The following AGPAT3 variants were observed in gnomAD, a reference collection of about 807,000 sequenced individuals.
AGPAT3 encodes 1-acylglycerol-3-phosphate O-acyltransferase 3, also known as 1-acyl-sn-glycerol-3-phosphate acyltransferase gamma.
A neutral mutation model predicts 47.3 loss-of-function variants in AGPAT3; 5 were observed. The observed-to-expected ratio is 0.11, with a 90% CI of 0.06 to 0.22. The LOEUF (loss-of-function observed/expected upper bound fraction) is 0.22, where lower values mean the gene tolerates loss of function less well. Among genes scored for constraint, AGPAT3 ranks in the 10% least tolerant of loss-of-function variants. The pLI is 1.00. For synonymous variants in AGPAT3, 212 were observed against 208.3 expected (o/e 1.02, Z -0.15); for missense variants, 315 against 493.0 (o/e 0.64, Z 3.42).
intron 2 of AGPAT3, among the ~76,000 whole-genome samples, chr21:43,906,764 C>G (rs2086507096): frequency 6.6e-6 from 1 of 152,234 alleles, no homozygotes; most frequent in Non-Finnish European, 1.5e-5. Flanking sequence ...CGGAGGTGGA[C>G]TGGGTGAACA....
chr21:43,973,618 G>A (rs917422078), intron 7 of AGPAT3, among the ~76,000 whole-genome samples: 17 of 152,224 alleles, frequency 1.1e-4, no homozygotes, highest in Admixed American at 9.8e-4. Flanking sequence ...TATTTTGCCC[G>A]ATCATATTTT....
In AGPAT3 at chr21:43,955,749, T is replaced by C. The variant is rs143965704; in HGVS notation, c.-48-3885T>C. Among the ~76,000 whole-genome samples, 583 of 151,894 alleles carry C rather than the reference T, an allele frequency of 3.8e-3. 8 individuals are homozygous for C. The highest frequency in any genetic ancestry group is 0.033 in the South Asian group (158 of 4,796). ...GGCGAAACCCCATCTCTACTAAACA[T>C]ACAAAAATTTGCTGGACATGGTGGT... On this transcript the variant is annotated intron_variant, in intron 2 of 9. Transcript: ENST00000291572. This position sits in a 1 kb window ranked among gnomAD's most constrained non-coding sequence, Gnocchi z 4.1.
intron 2 of AGPAT3, among the ~76,000 whole-genome samples, chr21:43,953,496 C>T (rs1408455105): frequency 6.6e-6 from 1 of 152,200 alleles, no homozygotes; most frequent in Non-Finnish European, 1.5e-5. Flanking sequence ...TTTAGATGTT[C>T]ATACATATTT....
At chr21:43,975,550 C>T (rs1431424226) in intron 7 of AGPAT3, among the ~76,000 whole-genome samples, 1 of 152,168 alleles carries the variant, frequency 6.6e-6, no homozygotes, top group Admixed American at 6.5e-5. Context: ...AAGTGTGAGG[C>T]GCGTGACCCT....
At chr21:43,892,939 A>G (rs1965183749) in intron 1 of AGPAT3, among the ~76,000 whole-genome samples, 1 of 151,936 alleles carries the variant, frequency 6.6e-6, no homozygotes, top group Non-Finnish European at 1.5e-5. Flanking sequence ...TGCAACCCCC[A>G]CCAAAATTAG....
chr21:43,963,363 C>T (rs138948021), intron 3 of AGPAT3, among the ~76,000 whole-genome samples: 206 of 152,168 alleles, frequency 1.4e-3, no homozygotes, highest in African/African-American at 4.9e-3. Flanking sequence ...CCAAGCAGAG[C>T]GAATGCACAG....
intron 2 of AGPAT3, among the ~76,000 whole-genome samples, chr21:43,916,031 A>G (rs1441973466): frequency 6.6e-6 from 1 of 152,202 alleles, no homozygotes; most frequent in Non-Finnish European, 1.5e-5. Context: ...ATCTAAGAAG[A>G]TAATGTTTAA....
At chr21:43,884,946 C>T (rs994491402) in intron 1 of AGPAT3, among the ~76,000 whole-genome samples, 1 of 152,234 alleles carries the variant, frequency 6.6e-6, no homozygotes, top group African/African-American at 2.4e-5. Flanking sequence ...TGGGATAGAT[C>T]GGAGTTAACA....
chr21:43,918,193 G>GGGTTGCGGC (rs2086798854), intron 2 of AGPAT3, among the ~76,000 whole-genome samples: 1 of 82,358 alleles, frequency 1.2e-5, no homozygotes, highest in South Asian at 4.7e-4. Flanking sequence ...TGTGGGTGTT[G>GGGTTGCGGC]GGTTGTGGAG....
At chr21:43,911,174 T>A (rs972669582) in intron 2 of AGPAT3, among the ~76,000 whole-genome samples, 1 of 152,208 alleles carries the variant, frequency 6.6e-6, no homozygotes, top group African/African-American at 2.4e-5. Flanking sequence ...CTTGGAAAAC[T>A]TTTACTACAC....
In AGPAT3 at chr21:43,939,858, C is replaced by A. The variant is rs973442721; in HGVS notation, c.-48-19776C>A. 6.6e-6 allele frequency among the ~76,000 whole-genome samples: 1 copy of A among 152,224 alleles called. No individual in the cohort carries two copies. The highest frequency in any genetic ancestry group is 2.4e-5 in the African/African-American group (1 of 41,452). ...TCGTTGACCTGCATCCTGGCTGGCC[C>A]TGTGACTCTGCCTGTTTACAGTGAG... On this transcript the variant is annotated intron_variant, in intron 2 of 9. Coordinates refer to ENST00000291572, the MANE Select transcript of AGPAT3 (RefSeq NM_020132.5). The surrounding 1 kb of genome is among the most constrained non-coding windows in gnomAD (Gnocchi z 4.4).
intron 1 of AGPAT3, among the ~76,000 whole-genome samples, chr21:43,896,262 C>T (rs560055228): frequency 1.1e-4 from 17 of 152,270 alleles, no homozygotes; most frequent in African/African-American, 4.1e-4. Flanking sequence ...CTTTTTGTTA[C>T]TTTTTTTTCC....
At chr21:43,879,164 AC>A (rs1342319180) in intron 1 of AGPAT3, among the ~76,000 whole-genome samples, 18 of 152,120 alleles carry the variant, frequency 1.2e-4, no homozygotes, top group African/African-American at 4.3e-4. Flanking sequence ...AGCCTGACCA[AC>A]ATAGCAAAAC....
At chr21:43,869,605 A>AC (rs963023348) in intron 1 of AGPAT3, among the ~76,000 whole-genome samples, 2 of 151,960 alleles carry the variant, frequency 1.3e-5, no homozygotes, top group African/African-American at 2.4e-5. Context: ...GGCAGGTCTG[A>AC]CCCCCGTGAG....
chr21:43,970,555 C>T lies in AGPAT3; in HGVS notation c.511-98C>T. ...GGTTCCAAGATTTCCACAAATTCAG[C>T]CACAACCTTTGCTGCCTGTCAGAGA... On this transcript the variant is annotated intron_variant, in intron 5 of 9. Coordinates refer to ENST00000291572, the MANE Select transcript of AGPAT3 (RefSeq NM_020132.5). This position sits in a 1 kb window ranked among gnomAD's most constrained non-coding sequence, Gnocchi z 5.8. 1.5e-6 allele frequency: 2 copies of T among 1,354,260 alleles called. No homozygotes were observed. The highest frequency in any genetic ancestry group is 1.3e-5 in the South Asian group (1 of 75,942). The allele number at this position is 1,354,260 out of a possible 1,614,324, so 83.9% of individuals were successfully genotyped here.
chr21:43,905,696 TG>T (rs2086476415), intron 2 of AGPAT3, among the ~76,000 whole-genome samples: 1 of 152,272 alleles, frequency 6.6e-6, no homozygotes, highest in Admixed American at 6.5e-5. Context: ...ACTGTTAAAT[TG>T]TTGCAAATTG....
At chr21:43,947,698 T>C (rs1008384197) in intron 2 of AGPAT3, among the ~76,000 whole-genome samples, 1 of 151,582 alleles carries the variant, frequency 6.6e-6, no homozygotes, top group African/African-American at 2.4e-5. Context: ...TTTTCTTTTT[T>C]TTTTTTTTGA....
intron 6 of AGPAT3, 110 bp from the exon 7 acceptor site, chr21:43,971,278 G>C: frequency 1.1e-6 from 1 of 872,382 alleles, no homozygotes; most frequent in Non-Finnish European, 1.9e-6. Context: ...GACCCCTCAC[G>C]CGTTCTCCCC....
chr21:43,980,609 C>T lies in AGPAT3; in HGVS notation c.844-380C>T, dbSNP rs114092714. Among the ~76,000 whole-genome samples the T allele has an allele frequency of 2.7e-3, 412 of 152,334 alleles. 1 individual carries two copies. Among genetic ancestry groups the T allele is most frequent in the African/African-American group, 9.6e-3 (398 of 41,584 alleles). ...TTTGCAGGGATTTGCATCCAGGCCG[C>T]GGGACTCACACAGGCCACACCTGCC... On this transcript the variant is annotated intron_variant, in intron 8 of 9. Transcript: ENST00000291572.
Sources: gnomAD v4.1 joint callset for allele counts (sites outside exome capture counted in the v4.1 genomes callset) on GRCh38, gnomAD v4.1.1 for gene constraint, Gnocchi (gnomAD v3.1) non-coding constraint, MANE v1.5 for transcripts, NCBI Gene and HGNC (gene_info 2026-07-23, HGNC 2026-07-21) for gene names.